AGBL4: variants seen among roughly 807,000 people sequenced by gnomAD.
The protein encoded by AGBL4 is AGBL carboxypeptidase 4.
A neutral mutation model predicts 66.4 loss-of-function variants in AGBL4; 58 were observed. The ratio of observed to expected loss-of-function variants is 0.87; its 90% CI spans 0.71 to 1.09. AGBL4 has a LOEUF of 1.09. Among genes scored for constraint, AGBL4 ranks in the 50% least tolerant of loss-of-function variants. AGBL4 has a pLI of 0.00. For synonymous variants in AGBL4, 234 were observed against 222.9 expected, an observed-to-expected ratio of 1.05 and a Z score of -0.44; for missense variants, 579 against 631.0, an observed-to-expected ratio of 0.92 and a Z score of 0.88.
At position 48,598,570 on chromosome 1, in the gene AGBL4, A is replaced by G. The variant is rs72899176; in HGVS notation, c.952-7585T>C. 7.6e-3 allele frequency among the ~76,000 whole-genome samples: 1,160 copies of G among 152,124 alleles called. 7 individuals are homozygous for G. The highest frequency in any genetic ancestry group is 0.023 in the African/African-American group (935 of 41,522). On this transcript the variant is annotated intron_variant, in intron 9 of 13. Coordinates refer to ENST00000371839, the MANE Select transcript of AGBL4 (RefSeq NM_032785.4). ...GGCAGGCGGATCAATTGAGGTCAGGAATTCAAGACCAGCCTGACCTACATG... is the reference window on the plus strand; with the variant it reads ...GGCAGGCGGATCAATTGAGGTCAGGGATTCAAGACCAGCCTGACCTACATG...
chr1:49,229,312 T>A (rs917505047), intron 4 of AGBL4, among the ~76,000 whole-genome samples: 1 of 152,224 alleles, frequency 6.6e-6, no homozygotes, highest in Non-Finnish European at 1.5e-5. Flanking sequence ...ACAAAAGTAT[T>A]TGCCTTTGGT....
intron 3 of AGBL4, among the ~76,000 whole-genome samples, chr1:49,534,080 T>G (rs1476439365): frequency 7.0e-6 from 1 of 142,464 alleles, no homozygotes; most frequent in Non-Finnish European, 1.5e-5. Context: ...TTCTTGGACA[T>G]CAACTAAAAA....
At chr1:49,777,622 T>G (rs1644232189) in intron 2 of AGBL4, among the ~76,000 whole-genome samples, 1 of 152,170 alleles carries the variant, frequency 6.6e-6, no homozygotes, top group African/African-American at 2.4e-5. Flanking sequence ...CTTGAAGTCT[T>G]CTGTACCTAG....
At chr1:48,522,821 G>A in the AGBL4 span, among the ~76,000 whole-genome samples, 1 of 151,876 alleles carries the variant, frequency 6.6e-6, no homozygotes, top group Non-Finnish European at 1.5e-5. Context: ...AGCTACTCAG[G>A]AGGCTGAGGC....
chr1:49,395,854 CAT>C (rs1334764036), intron 3 of AGBL4, among the ~76,000 whole-genome samples: 1 of 105,212 alleles, frequency 9.5e-6, no homozygotes, highest in Non-Finnish European at 1.9e-5. Flanking sequence ...TATATACACA[CAT>C]AAATATATAT....
At chr1:49,755,770 C>T (rs1040992161) in intron 2 of AGBL4, among the ~76,000 whole-genome samples, 11 of 152,166 alleles carry the variant, frequency 7.2e-5, no homozygotes, top group Admixed American at 3.3e-4. Flanking sequence ...AGCCCTGCCA[C>T]GCTGCTTTTA....
intron 11 of AGBL4, among the ~76,000 whole-genome samples, chr1:48,547,243 A>G (rs1044734886): frequency 7.2e-5 from 11 of 152,164 alleles, no homozygotes; most frequent in Admixed American, 4.6e-4. Flanking sequence ...CTGCTGCACT[A>G]AAAGAGAAGG....
At chr1:49,536,749 C>A (rs1651618052) in intron 3 of AGBL4, among the ~76,000 whole-genome samples, 1 of 152,136 alleles carries the variant, frequency 6.6e-6, no homozygotes, top group African/African-American at 2.4e-5. Flanking sequence ...AATAAAGCCA[C>A]ATATTTACAT....
intron 6 of AGBL4, among the ~76,000 whole-genome samples, chr1:48,694,988 C>T (rs1646692680): frequency 6.6e-6 from 1 of 152,200 alleles, no homozygotes; most frequent in Non-Finnish European, 1.5e-5. Flanking sequence ...AACCTCTCTC[C>T]AGTTACACTC....
At chr1:49,013,814 T>G (rs1293371151) in intron 5 of AGBL4, among the ~76,000 whole-genome samples, 1 of 152,186 alleles carries the variant, frequency 6.6e-6, no homozygotes, top group Non-Finnish European at 1.5e-5. Flanking sequence ...AGCCTTAGTT[T>G]CACAGTTTGG....
At chr1:49,075,820 C>T (rs1557620205) in intron 4 of AGBL4, among the ~76,000 whole-genome samples, 1 of 152,082 alleles carries the variant, frequency 6.6e-6, no homozygotes, top group Non-Finnish European at 1.5e-5. Context: ...TCCTAGAATA[C>T]CAAAATAGAT....
At chr1:49,072,175 A>C (rs1644619471) in intron 4 of AGBL4, among the ~76,000 whole-genome samples, 1 of 152,050 alleles carries the variant, frequency 6.6e-6, no homozygotes, top group African/African-American at 2.4e-5. Flanking sequence ...ACAGCATACC[A>C]ATGGGTCTTG....
chr1:49,416,735 A>AAT (rs776279819), intron 3 of AGBL4, among the ~76,000 whole-genome samples: 1 of 152,110 alleles, frequency 6.6e-6, no homozygotes, highest in Non-Finnish European at 1.5e-5. Context: ...TAAATCAGTC[A>AAT]ATATATATAA....
chr1:48,900,440 T>C (rs1028910353), intron 5 of AGBL4, among the ~76,000 whole-genome samples: 1 of 152,174 alleles, frequency 6.6e-6, no homozygotes, highest in African/African-American at 2.4e-5. Context: ...CCAAAATAAC[T>C]TTGAGAAAGA....
intron 6 of AGBL4, among the ~76,000 whole-genome samples, chr1:48,798,317 T>C (rs1570698490): frequency 6.6e-6 from 1 of 152,162 alleles, no homozygotes; most frequent in Admixed American, 6.5e-5. Context: ...TACTTTTTGA[T>C]GGGATTATTA....
intron 1 of AGBL4, among the ~76,000 whole-genome samples, chr1:49,982,396 C>A (rs1478506535): frequency 6.6e-6 from 1 of 152,216 alleles, no homozygotes; most frequent in Non-Finnish European, 1.5e-5. Context: ...CACACCAGCC[C>A]CCTGCCACCT....
intron 3 of AGBL4, among the ~76,000 whole-genome samples, chr1:49,339,236 A>G (rs550065055): frequency 6.6e-6 from 1 of 152,306 alleles, no homozygotes; most frequent in Admixed American, 6.5e-5. Context: ...TTTCAATGTT[A>G]TTTGTTCAGT....
intron 5 of AGBL4, among the ~76,000 whole-genome samples, chr1:48,899,855 A>G (rs1044344997): frequency 1.3e-5 from 2 of 152,246 alleles, no homozygotes; most frequent in Non-Finnish European, 2.9e-5. Flanking sequence ...TATTACGGGA[A>G]GAAAGACTTT....
chr1:49,100,459 C>G (rs1238133539), intron 4 of AGBL4, among the ~76,000 whole-genome samples: 1 of 152,216 alleles, frequency 6.6e-6, no homozygotes, highest in African/African-American at 2.4e-5. Flanking sequence ...AAAGGAGAAT[C>G]TGGATGGTGC....
Sources: gnomAD v4.1 joint callset for allele counts (sites outside exome capture counted in the v4.1 genomes callset) on GRCh38, gnomAD v4.1.1 for gene constraint, MANE v1.5 for transcripts, NCBI Gene and HGNC (gene_info 2026-07-23, HGNC 2026-07-21) for gene names.